PLEKHA2: variants seen among roughly 807,000 people sequenced by gnomAD.
PLEKHA2 encodes the protein pleckstrin homology domain containing A2, also known as pleckstrin homology domain-containing family A member 2.
A neutral mutation model predicts 53.2 loss-of-function variants in PLEKHA2; 28 were observed. The ratio of observed to expected loss-of-function variants is 0.53; its 90% confidence interval spans 0.39 to 0.72. The LOEUF (loss-of-function observed/expected upper bound fraction) is 0.72. Among genes scored for constraint, PLEKHA2 ranks in the 30% least tolerant of loss-of-function variants. The probability of loss-of-function intolerance (pLI) is 0.00; values close to 1 mark genes in which losing one functional copy is unlikely to be tolerated. For missense variants in PLEKHA2, 426 were observed against 537.9 expected (o/e 0.79, Z 2.06); for synonymous variants, 193 against 196.4 (o/e 0.98, Z 0.14).
At chr8:38,967,957 G>C (rs764204962) in intron 10 of PLEKHA2, among the ~76,000 whole-genome samples, 1 of 152,100 alleles carries the variant, frequency 6.6e-6, no homozygotes, top group Non-Finnish European at 1.5e-5. Flanking sequence ...CACCACGCTT[G>C]GCCTACACTT....
intron 10 of PLEKHA2, among the ~76,000 whole-genome samples, chr8:38,961,193 C>T (rs546294256): frequency 4.9e-4 from 75 of 152,200 alleles, no homozygotes; most frequent in African/African-American, 1.7e-3. Flanking sequence ...ATACCTAACT[C>T]GGAATAAGTT....
At chr8:38,951,568 C>T (rs1834844620) in intron 6 of PLEKHA2, among the ~76,000 whole-genome samples, 1 of 145,618 alleles carries the variant, frequency 6.9e-6, no homozygotes, top group African/African-American at 2.5e-5. Flanking sequence ...GCGTCTGCCT[C>T]CTAGGCTCAT....
At chr8:38,918,202 C>A in intron 2 of PLEKHA2, 132 bp downstream of exon 2, 1 of 1,205,254 alleles carries the variant, frequency 8.3e-7, no homozygotes, top group Admixed American at 2.6e-5. Context: ...AGGGGACAAC[C>A]CTACAACACA....
chr8:38,917,954 C>G lies in PLEKHA2; in HGVS notation c.25C>G (p.Arg9Gly). 1.2e-6 allele frequency: 2 copies of G among 1,613,566 alleles called. No homozygotes were observed. Among genetic ancestry groups the G allele is most frequent in the Non-Finnish European group, 1.7e-6 (2 of 1,179,678 alleles). The change falls in exon 2 of 12, where the codon CGA becomes GGA. Residue 9 changes from arginine to glycine, a missense_variant. Physicochemically the swap from Arg to Gly is moderately radical, Grantham distance 125. Coordinates refer to ENST00000617275, the MANE Select transcript of PLEKHA2 (RefSeq NM_021623.2). ...AATGCCTTATGTGGATCGGCAGAAC[C>G]GAATCTGTGGGTTTCTGGACATCGA... Reference protein sequence around the residue: MPYVDRQNRICGFLDIEEH... With the variant: MPYVDRQNGICGFLDIEEH...
chr8:38,957,287 A>G (rs1834959675), intron 9 of PLEKHA2, 36 bp from the exon 10 acceptor site: 1 of 1,552,170 alleles, frequency 6.4e-7, no homozygotes, highest in Admixed American at 1.7e-5. Context: ...TGAGTATGTC[A>G]GCACGCCATA....
intron 4 of PLEKHA2, among the ~76,000 whole-genome samples, chr8:38,945,849 C>T (rs930672397): frequency 6.6e-6 from 1 of 152,168 alleles, no homozygotes; most frequent in Non-Finnish European, 1.5e-5. Context: ...GCCTCATCAC[C>T]GCAGAACAGC....
At chr8:38,969,111 G>A (rs1222276486) in intron 11 of PLEKHA2, 2 of 371,206 alleles carry the variant, frequency 5.4e-6, no homozygotes, top group South Asian at 2.7e-5. Context: ...ATGTTGGCTA[G>A]GCTGATCTCA....
intron 3 of PLEKHA2, among the ~76,000 whole-genome samples, chr8:38,937,118 T>C (rs1834510073): frequency 6.6e-6 from 1 of 152,184 alleles, no homozygotes; most frequent in Non-Finnish European, 1.5e-5. Context: ...CCCGCCCCTG[T>C]GCCTGTGGTA....
At chr8:38,932,560 G>C (rs1232355553) in intron 2 of PLEKHA2, among the ~76,000 whole-genome samples, 1 of 152,122 alleles carries the variant, frequency 6.6e-6, no homozygotes, top group Non-Finnish European at 1.5e-5. Context: ...TGGCCTTCCT[G>C]CCCTGACACC....
chr8:38,922,033 C>T lies in PLEKHA2; in HGVS notation c.141+3963C>T, dbSNP rs1180206454. On this transcript the variant is annotated intron_variant, in intron 2 of 11. Coordinates refer to ENST00000617275, the MANE Select transcript of PLEKHA2 (RefSeq NM_021623.2). This position sits in a 1 kb window ranked among gnomAD's most constrained non-coding sequence, Gnocchi z 4.0. ...CAAGTTTAATTGGTAGTTATTATTG[C>T]CCTCATTCTGAAGATGAGGTGGGTG... Among the ~76,000 whole-genome samples, 1 of 152,140 alleles carries T rather than the reference C, an allele frequency of 6.6e-6. No individual in the cohort carries two copies. Among genetic ancestry groups the T allele is most frequent in the Non-Finnish European group, 1.5e-5 (1 of 68,030 alleles).
chr8:38,924,525 C>T (rs1403271016), intron 2 of PLEKHA2, among the ~76,000 whole-genome samples: 2 of 152,162 alleles, frequency 1.3e-5, no homozygotes, highest in Admixed American at 6.5e-5. Context: ...CCTGCAGGAG[C>T]GCTGGGGTGA....
intron 10 of PLEKHA2, among the ~76,000 whole-genome samples, chr8:38,959,410 C>T (rs1349429158): frequency 6.6e-6 from 1 of 152,184 alleles, no homozygotes; most frequent in Admixed American, 6.6e-5. Context: ...CGTATTTTAT[C>T]CTTAGAATTA....
intron 1 of PLEKHA2, among the ~76,000 whole-genome samples, chr8:38,910,508 T>G (rs1216667128): frequency 6.6e-6 from 1 of 152,234 alleles, no homozygotes; most frequent in Non-Finnish European, 1.5e-5. Context: ...GATGTCATTA[T>G]GTATTTGAAA....
intron 10 of PLEKHA2, among the ~76,000 whole-genome samples, chr8:38,967,862 A>G (rs992070029): frequency 2.0e-5 from 3 of 152,004 alleles, no homozygotes; most frequent in South Asian, 2.1e-4. Context: ...GGGTTTCACC[A>G]TGTTGCCCAG....
intron 2 of PLEKHA2, among the ~76,000 whole-genome samples, chr8:38,930,537 T>A (rs906512259): frequency 1.3e-5 from 2 of 152,220 alleles, no homozygotes; most frequent in African/African-American, 2.4e-5. Context: ...GAACCTGCCC[T>A]GTGCCCTATG....
At chr8:38,902,412 CCCTTCTCATT>C (rs1178676257) in intron 1 of PLEKHA2, among the ~76,000 whole-genome samples, 1 of 152,166 alleles carries the variant, frequency 6.6e-6, no homozygotes, top group Non-Finnish European at 1.5e-5. Flanking sequence ...ATGTATCTTC[CCCTTCTCATT>C]CCTTCTTCCT....
chr8:38,921,287 T>G (rs1346245848), intron 2 of PLEKHA2, among the ~76,000 whole-genome samples: 3 of 152,240 alleles, frequency 2.0e-5, no homozygotes, highest in Admixed American at 2.0e-4. Flanking sequence ...GTCATTCGAA[T>G]GGATTTTTGT....
Position 38,910,868 on chromosome 8 carries a change from T to C in PLEKHA2, c.-23-7039T>C, listed in dbSNP as rs953797434. 2.6e-5 allele frequency among the ~76,000 whole-genome samples: 4 copies of C among 152,208 alleles called. No individual in the cohort carries two copies. The East Asian group carries it at 7.7e-4, about 29-fold the overall frequency. Reference sequence around the variant, plus strand: ...CCATTAGAAACGATTATAAAGACTATGTAGCAACATGGAAAATGCTTATGA... The same window carrying C: ...CCATTAGAAACGATTATAAAGACTACGTAGCAACATGGAAAATGCTTATGA... On this transcript the variant is annotated intron_variant, in intron 1 of 11. Transcript: ENST00000617275.
At chr8:38,923,563 C>A (rs1424384741) in intron 2 of PLEKHA2, among the ~76,000 whole-genome samples, 1 of 152,118 alleles carries the variant, frequency 6.6e-6, no homozygotes, top group African/African-American at 2.4e-5. Flanking sequence ...AGAAGGAGAT[C>A]CTGGAGTTCA....
Sources: gnomAD v4.1 joint callset for allele counts (sites outside exome capture counted in the v4.1 genomes callset) on GRCh38, gnomAD v4.1.1 for gene constraint, Gnocchi (gnomAD v3.1) non-coding constraint, MANE v1.5 for transcripts, NCBI Gene and HGNC (gene_info 2026-07-23, HGNC 2026-07-21) for gene names.